Variants in PRKCE observed in about 807,000 individuals in gnomAD.
PRKCE encodes the protein protein kinase C epsilon.
Under a neutral mutation model 85.4 loss-of-function variants are expected in PRKCE, and 16 were observed. The ratio of observed to expected loss-of-function variants is 0.19; its 90% CI spans 0.13 to 0.28. The LOEUF is 0.28. PRKCE is among the 10% of genes least tolerant of loss of function. The probability of loss-of-function intolerance (pLI) is 1.00; values close to 1 mark genes in which losing one functional copy is unlikely to be tolerated. For missense variants in PRKCE, 573 were observed against 975.2 expected (o/e 0.59, Z 5.49); for synonymous variants, 388 against 371.5 (o/e 1.04, Z -0.51).
At chr2:45,771,700 GGCGTGTGT>G (rs897228233) in intron 1 of PRKCE, among the ~76,000 whole-genome samples, 3 of 94,588 alleles carry the variant, frequency 3.2e-5, no homozygotes, top group African/African-American at 9.3e-5. Flanking sequence ...TACAGAGTGG[GGCGTGTGT>G]GTGTGTGTGT....
chr2:45,829,957 C>T (rs531913137), intron 1 of PRKCE, among the ~76,000 whole-genome samples: 10 of 151,232 alleles, frequency 6.6e-5, no homozygotes, highest in Non-Finnish European at 1.5e-4. Flanking sequence ...CCTGTAGTCC[C>T]AGCTACTCGG....
intron 1 of PRKCE, among the ~76,000 whole-genome samples, chr2:45,712,409 G>A (rs940861172): frequency 2.8e-4 from 42 of 152,036 alleles, no homozygotes; most frequent in Middle Eastern, 3.4e-3. Flanking sequence ...CCCCACCTTG[G>A]CCTTCCAAAG....
intron 7 of PRKCE, among the ~76,000 whole-genome samples, chr2:46,003,060 G>A (rs1399627900): frequency 1.3e-5 from 2 of 152,222 alleles, no homozygotes; most frequent in African/African-American, 4.8e-5. Context: ...AGAAGGGGCA[G>A]GGTGGAAGGC....
intron 1 of PRKCE, among the ~76,000 whole-genome samples, chr2:45,661,523 G>GTTTTTTTTTTTTTTTTTTTTTT (rs367628974): frequency 2.1e-5 from 2 of 96,656 alleles, no homozygotes; most frequent in African/African-American, 3.9e-5. Context: ...TTTGTTTTTT[G>GTTTTTTTTTTTTTTTTTTTTTT]TTTTTTGTTT....
chr2:45,662,000 C>T (rs112972047), intron 1 of PRKCE, among the ~76,000 whole-genome samples: 3,405 of 152,238 alleles, frequency 0.022, 110 homozygotes, highest in African/African-American at 0.075. Flanking sequence ...ATAAGCATCT[C>T]GTGAACAGGA....
chr2:45,968,285 G>A (rs1574059387), intron 2 of PRKCE, among the ~76,000 whole-genome samples: 1 of 152,188 alleles, frequency 6.6e-6, no homozygotes, highest in East Asian at 1.9e-4. Flanking sequence ...ATACTACTCC[G>A]CCATAATAAA....
chr2:45,996,746 T>C (rs1338956425), intron 6 of PRKCE, among the ~76,000 whole-genome samples: 1 of 152,166 alleles, frequency 6.6e-6, no homozygotes, highest in African/African-American at 2.4e-5. Flanking sequence ...TTGCTGATTG[T>C]TGTTGAAGAT....
At position 45,786,195 on chromosome 2, in the gene PRKCE, C is replaced by T. The variant is rs935212723; in HGVS notation, c.349-56805C>T. On this transcript the variant is annotated intron_variant, in intron 1 of 14. Coordinates refer to ENST00000306156, the MANE Select transcript of PRKCE (RefSeq NM_005400.3). The surrounding 1 kb of genome is among the most constrained non-coding windows in gnomAD (Gnocchi z 5.3). ...AGTCTGCCAGTGACTTATTTATCCC[C>T]CGTGCTGCTTCTTGCTCTCCGGTTT... Among the ~76,000 whole-genome samples the T allele has an allele frequency of 1.3e-5, 2 of 152,268 alleles. No homozygotes were observed. Among genetic ancestry groups the T allele is most frequent in the Non-Finnish European group, 1.5e-5 (1 of 68,012 alleles).
intron 11 of PRKCE, among the ~76,000 whole-genome samples, chr2:46,113,041 G>A (rs1165215485): frequency 6.6e-6 from 1 of 152,134 alleles, no homozygotes; most frequent in African/African-American, 2.4e-5. Flanking sequence ...ATGCATCAAA[G>A]TACTTAGCCC....
chr2:45,703,125 ATTT>A (rs33988258), intron 1 of PRKCE, among the ~76,000 whole-genome samples: 18 of 150,530 alleles, frequency 1.2e-4, no homozygotes, highest in African/African-American at 1.7e-4. Flanking sequence ...TGTTTTATTT[ATTT>A]TTTTTTTTTG....
At chr2:45,945,321 C>T (rs192890553) in intron 2 of PRKCE, among the ~76,000 whole-genome samples, 89 of 152,048 alleles carry the variant, frequency 5.9e-4, no homozygotes, top group Middle Eastern at 3.4e-3. Flanking sequence ...TCATGGCAGA[C>T]GGTGAAGGGG....
chr2:46,077,759 T>C (rs540041163), intron 10 of PRKCE, among the ~76,000 whole-genome samples: 10 of 152,336 alleles, frequency 6.6e-5, no homozygotes, highest in Admixed American at 3.9e-4. Flanking sequence ...TCTGTATGAA[T>C]TGACAGGCAA....
intron 10 of PRKCE, among the ~76,000 whole-genome samples, chr2:46,059,488 T>C (rs991707291): frequency 3.3e-5 from 5 of 152,260 alleles, no homozygotes; most frequent in East Asian, 3.8e-4. Context: ...TCAATCTTTA[T>C]GGCACAAGTA....
Position 46,004,392 on chromosome 2 carries a change from G to A in PRKCE, c.967-150G>A. The A allele has an allele frequency of 1.5e-6, 1 of 664,370 alleles. No homozygotes were observed. Among genetic ancestry groups the A allele is most frequent in the East Asian group, 2.9e-5 (1 of 34,448 alleles). The allele number at this position is 664,370 out of a possible 1,614,324, so 41.2% of individuals were successfully genotyped here. Reference sequence around the variant, plus strand: ...GATCGAACTTCATTTTGGCTACTTTGGCGATGGCTGCAAGAGGACAGAGAT... The same window carrying A: ...GATCGAACTTCATTTTGGCTACTTTAGCGATGGCTGCAAGAGGACAGAGAT... On this transcript the variant is annotated intron_variant, in intron 7 of 14. Coordinates refer to ENST00000306156, the MANE Select transcript of PRKCE (RefSeq NM_005400.3). This position sits in a 1 kb window ranked among gnomAD's most constrained non-coding sequence, Gnocchi z 4.1.
chr2:45,936,854 A>G (rs1417438302), intron 2 of PRKCE, among the ~76,000 whole-genome samples: 1 of 152,098 alleles, frequency 6.6e-6, no homozygotes, highest in African/African-American at 2.4e-5. Context: ...TACCGCAGGT[A>G]TGTGTTCTTA....
At chr2:45,918,824 T>C (rs993055001) in intron 2 of PRKCE, among the ~76,000 whole-genome samples, 1 of 152,202 alleles carries the variant, frequency 6.6e-6, no homozygotes, top group Non-Finnish European at 1.5e-5. Context: ...CATATCCTAC[T>C]AGTTTGTATT....
At position 45,927,888 on chromosome 2, in the gene PRKCE, A is replaced by G. The variant is rs192529763; in HGVS notation, c.413-48541A>G. 1.3e-3 allele frequency among the ~76,000 whole-genome samples: 188 copies of G among 144,916 alleles called. 2 individuals carry two copies. The highest frequency in any genetic ancestry group is 0.011 in the South Asian group (45 of 4,252). On this transcript the variant is annotated intron_variant, in intron 2 of 14. Coordinates refer to ENST00000306156, the MANE Select transcript of PRKCE (RefSeq NM_005400.3). ...GATACCCAAGGCTTCGTGTAGATGT[A>G]TGCCTTCCTAAGTGACTGTAGCCTT... is the stretch of plus-strand genomic sequence containing the variant.
intron 1 of PRKCE, among the ~76,000 whole-genome samples, chr2:45,750,259 G>C (rs955092306): frequency 1.3e-5 from 2 of 152,182 alleles, no homozygotes; most frequent in African/African-American, 4.8e-5. Flanking sequence ...AGGAAACCCT[G>C]TACTCATTGA....
intron 14 of PRKCE, among the ~76,000 whole-genome samples, chr2:46,171,529 A>G (rs756633815): frequency 1.3e-5 from 2 of 152,216 alleles, no homozygotes; most frequent in African/African-American, 2.4e-5. Flanking sequence ...AGGATAGTAC[A>G]TGCCAGGGGC....
Sources: allele counts gnomAD v4.1 joint callset (sites outside exome capture counted in the v4.1 genomes callset), GRCh38; gene constraint gnomAD v4.1.1; non-coding constraint Gnocchi (gnomAD v3.1); transcripts MANE v1.5; gene names NCBI Gene and HGNC (gene_info 2026-07-23, HGNC 2026-07-21).